The following CDH23 variants were observed in gnomAD, a reference collection of about 807,000 sequenced individuals.
The protein encoded by CDH23 is cadherin related 23, also known as cadherin-23.
Under a neutral mutation model 317.1 loss-of-function variants are expected in CDH23, and 189 were observed. That is an observed-to-expected ratio of 0.60 (90% CI 0.53 to 0.67). The LOEUF (loss-of-function observed/expected upper bound fraction) is 0.67. CDH23 is among the 30% of genes least tolerant of loss of function. The pLI is 0.00. For missense variants in CDH23, 4,401 were observed against 4,592.4 expected (o/e 0.96, Z 1.20); for synonymous variants, 1,839 against 1,876.8 (o/e 0.98, Z 0.52).
At chr10:71,405,706 G>T (rs940783695) in intron 1 of CDH23, among the ~76,000 whole-genome samples, 1 of 152,134 alleles carries the variant, frequency 6.6e-6, no homozygotes, top group Non-Finnish European at 1.5e-5. Flanking sequence ...CCAAAGTGCT[G>T]GGATTATAGG....
intron 45 of CDH23, 66 bp from the exon 46 acceptor site, chr10:71,790,222 G>C: frequency 6.3e-7 from 1 of 1,592,656 alleles, no homozygotes; most frequent in Non-Finnish European, 8.6e-7. Context: ...ACCGGGACAG[G>C]GCAGGGGAGG....
At chr10:71,510,386 G>A (rs1362495469) in intron 4 of CDH23, among the ~76,000 whole-genome samples, 162 bp downstream of exon 4, 1 of 152,130 alleles carries the variant, frequency 6.6e-6, no homozygotes, top group East Asian at 1.9e-4. Context: ...AAGGGCCAAT[G>A]CTGGTGTCTG....
intron 9 of CDH23, among the ~76,000 whole-genome samples, chr10:71,590,480 T>C (rs56699663): frequency 0.25 from 37,738 of 152,014 alleles, 5,334 homozygotes; most frequent in African/African-American, 0.39. Flanking sequence ...CCCTCACTTG[T>C]AGGATCACGT....
At chr10:71,636,890 G>A (rs879073457) in intron 11 of CDH23, among the ~76,000 whole-genome samples, 10 of 152,240 alleles carry the variant, frequency 6.6e-5, no homozygotes, top group Admixed American at 4.6e-4. Flanking sequence ...CACCCACCAT[G>A]TGACATGGGC....
At chr10:71,498,504 G>A (rs930597119) in intron 3 of CDH23, among the ~76,000 whole-genome samples, 3 of 152,234 alleles carry the variant, frequency 2.0e-5, no homozygotes, top group Non-Finnish European at 2.9e-5. Flanking sequence ...AGGTCTGCCC[G>A]CTGGACTGTC....
chr10:71,481,045 T>C (rs1394877140), intron 3 of CDH23, among the ~76,000 whole-genome samples: 3 of 152,128 alleles, frequency 2.0e-5, no homozygotes, highest in Non-Finnish European at 4.4e-5. Context: ...CCTGACAGCC[T>C]GGGAAACTTG....
intron 3 of CDH23, among the ~76,000 whole-genome samples, chr10:71,473,096 G>A (rs1851601537): frequency 6.6e-6 from 1 of 152,336 alleles, no homozygotes; most frequent in Non-Finnish European, 1.5e-5. Flanking sequence ...AAGTGGCAGA[G>A]GAGCCAGGCC....
Position 71,694,290 on chromosome 10 carries a change from C to A in CDH23, c.2289+31C>A. ...TGCGCTCCCCTCCCGTGCCCCAGCT[C>A]CCCCTCGCCGGCCAGGCTGCTGCTC... On this transcript the variant is annotated intron_variant, in intron 21 of 69. Coordinates refer to ENST00000224721, the MANE Select transcript of CDH23 (RefSeq NM_022124.6). 3.2e-6 allele frequency: 5 copies of A among 1,548,740 alleles called. No individual in the cohort carries two copies. In the East Asian group the frequency reaches 9.0e-5, roughly 28 times the overall value.
intron 36 of CDH23, among the ~76,000 whole-genome samples, chr10:71,740,352 T>C (rs903446637): frequency 6.6e-6 from 1 of 152,198 alleles, no homozygotes; most frequent in Non-Finnish European, 1.5e-5. Flanking sequence ...GGCTCAGCCA[T>C]AGGGCGCCAG....
At chr10:71,566,697 C>T in intron 6 of CDH23, 45 bp from the exon 7 acceptor site, 1 of 1,523,108 alleles carries the variant, frequency 6.6e-7, no homozygotes, top group Non-Finnish European at 8.9e-7. Context: ...GGCGCAGCTG[C>T]TCCGCACTGG....
intron 14 of CDH23, among the ~76,000 whole-genome samples, chr10:71,666,929 C>T (rs1301401180): frequency 1.3e-5 from 2 of 152,270 alleles, no homozygotes; most frequent in Non-Finnish European, 2.9e-5. Context: ...CGGGGCTCCA[C>T]AGAGCTGTTT....
At chr10:71,495,708 G>A (rs1055289026) in intron 3 of CDH23, among the ~76,000 whole-genome samples, 8 of 151,124 alleles carry the variant, frequency 5.3e-5, no homozygotes, top group African/African-American at 1.2e-4. Context: ...GTGCAGTGGC[G>A]CACTTGTAGT....
rs769155411 is a variant in CDH23, at chr10:71,777,847, C to T, written c.5013C>T (p.Thr1671=). The T allele has an allele frequency of 1.2e-6, 2 of 1,613,972 alleles. No homozygotes were observed. The highest frequency in any genetic ancestry group is 1.7e-6 in the Non-Finnish European group (2 of 1,179,904). The change falls in exon 39 of 70, where the codon ACC becomes ACT. Residue 1671 remains threonine (T), a synonymous_variant. Coordinates refer to ENST00000224721, the MANE Select transcript of CDH23 (RefSeq NM_022124.6). ...ATGAGGGTCCCAACGGCACAGTCAC[C>T]TATGCCATCGTCGCAGGCAACATCG... ...DLDEGPNGTV[T]YAIVAGNIVN...
At chr10:71,786,488 C>CTTTTTTTTT (rs71018221) in intron 44 of CDH23, among the ~76,000 whole-genome samples, 2 of 105,376 alleles carry the variant, frequency 1.9e-5, no homozygotes, top group African/African-American at 4.0e-5. Context: ...GCTTCCTACT[C>CTTTTTTTTT]TTTTTTTTTT....
At chr10:71,562,245 C>G (rs1303150205) in intron 6 of CDH23, among the ~76,000 whole-genome samples, 2 of 152,154 alleles carry the variant, frequency 1.3e-5, no homozygotes, top group African/African-American at 2.4e-5. Context: ...CAAGGCCTGT[C>G]CTGGCTGACT....
intron 11 of CDH23, among the ~76,000 whole-genome samples, chr10:71,627,381 TG>T (rs1861788286): frequency 2.0e-5 from 3 of 152,104 alleles, no homozygotes; most frequent in Admixed American, 6.5e-5. Context: ...GTGATGATGA[TG>T]ATGATGATGA....
intron 3 of CDH23, among the ~76,000 whole-genome samples, chr10:71,454,953 C>G (rs2132044565): frequency 6.6e-6 from 1 of 151,754 alleles, no homozygotes; most frequent in South Asian, 2.1e-4. Flanking sequence ...GATCCTCCCA[C>G]CTCAGCCTCT....
intron 47 of CDH23, among the ~76,000 whole-genome samples, chr10:71,792,379 G>A (rs1372102918): frequency 6.6e-6 from 1 of 151,956 alleles, no homozygotes; most frequent in Non-Finnish European, 1.5e-5. Context: ...AGAAAACTTA[G>A]GTGAATAACT....
At chr10:71,440,695 C>T (rs76159961) in intron 2 of CDH23, among the ~76,000 whole-genome samples, 3,324 of 152,268 alleles carry the variant, frequency 0.022, 114 homozygotes, top group African/African-American at 0.063. Flanking sequence ...ATTTGCTTCT[C>T]GCTTGGCCCC....
Sources: allele counts gnomAD v4.1 joint callset (sites outside exome capture counted in the v4.1 genomes callset), GRCh38; gene constraint gnomAD v4.1.1; transcripts MANE v1.5; gene names NCBI Gene and HGNC (gene_info 2026-07-23, HGNC 2026-07-21).